HECW1: variants seen among roughly 807,000 people sequenced by gnomAD.
HECW1 encodes E3 ubiquitin-protein ligase HECW1.
In HECW1, 61 loss-of-function variants were observed where a neutral mutation model predicts 182.3. The ratio of observed to expected loss-of-function variants is 0.33; its 90% CI spans 0.27 to 0.41. The LOEUF is 0.41. Ranked by LOEUF, HECW1 falls within the 10% of genes least tolerant of loss-of-function variation. The probability of loss-of-function intolerance (pLI) is 1.00; values close to 1 mark genes in which losing one functional copy is unlikely to be tolerated. For missense variants in HECW1, 1,739 were observed against 2,108.9 expected (o/e 0.82, Z 3.44); for synonymous variants, 859 against 832.6 (o/e 1.03, Z -0.55).
chr7:43,175,373 T>A (rs1258790159), intron 2 of HECW1, among the ~76,000 whole-genome samples: 1 of 152,226 alleles, frequency 6.6e-6, no homozygotes, highest in African/African-American at 2.4e-5. Context: ...TCTTCTTAAG[T>A]GACATTTTGT....
At chr7:43,537,796 T>TA (rs11439004) in intron 24 of HECW1, among the ~76,000 whole-genome samples, 23,675 of 152,112 alleles carry the variant, frequency 0.16, 2,165 homozygotes, top group East Asian at 0.34. Context: ...TTATTTTTTT[T>TA]AAAAAAGCTA....
chr7:43,404,335 C>G (rs1256130414), intron 7 of HECW1, among the ~76,000 whole-genome samples: 1 of 152,116 alleles, frequency 6.6e-6, no homozygotes, highest in African/African-American at 2.4e-5. Flanking sequence ...TAGAAGTCTC[C>G]GTTTTCTAAA....
At chr7:43,477,040 A>T (rs2078242512) in intron 16 of HECW1, among the ~76,000 whole-genome samples, 1 of 152,178 alleles carries the variant, frequency 6.6e-6, no homozygotes, top group Non-Finnish European at 1.5e-5. Context: ...GGGAACAGAC[A>T]TCGCAGGCAA....
intron 2 of HECW1, among the ~76,000 whole-genome samples, chr7:43,140,297 G>A (rs2152631703): frequency 6.6e-6 from 1 of 152,270 alleles, no homozygotes; most frequent in East Asian, 1.9e-4. Context: ...GATTGCTGAA[G>A]TTAGTGGACT....
At chr7:43,470,979 A>G (rs1321404131) in intron 16 of HECW1, among the ~76,000 whole-genome samples, 2 of 152,234 alleles carry the variant, frequency 1.3e-5, no homozygotes, top group Non-Finnish European at 2.9e-5. Flanking sequence ...GACCCTGTGC[A>G]AGTCACTCCA....
chr7:43,401,087 C>T (rs2075389087), intron 7 of HECW1, among the ~76,000 whole-genome samples: 1 of 152,236 alleles, frequency 6.6e-6, no homozygotes, highest in Non-Finnish European at 1.5e-5. Flanking sequence ...CTTAATCACT[C>T]TGCAGAGTCC....
At chr7:43,233,339 C>T (rs1055147572) in intron 2 of HECW1, among the ~76,000 whole-genome samples, 1 of 152,318 alleles carries the variant, frequency 6.6e-6, no homozygotes, top group African/African-American at 2.4e-5. Context: ...GAGTTGACCA[C>T]AGACAGTCGC....
chr7:43,270,950 G>T (rs1802336245), intron 3 of HECW1, among the ~76,000 whole-genome samples: 1 of 151,996 alleles, frequency 6.6e-6, no homozygotes, highest in Non-Finnish European at 1.5e-5. Context: ...TTCACTAAAG[G>T]ACCTGAAAGA....
intron 2 of HECW1, among the ~76,000 whole-genome samples, chr7:43,225,019 CA>C (rs373280999): frequency 2.6e-5 from 4 of 152,074 alleles, no homozygotes; most frequent in African/African-American, 9.6e-5. Context: ...GTGTTTTGAG[CA>C]AAGAAATGAC....
At chr7:43,204,183 G>A (rs116018417) in intron 2 of HECW1, among the ~76,000 whole-genome samples, 1,627 of 152,270 alleles carry the variant, frequency 0.011, 30 homozygotes, top group African/African-American at 0.036. Context: ...AGCTAATTTT[G>A]TTGCTCCATC....
chr7:43,346,964 T>G (rs1219949559), intron 5 of HECW1, among the ~76,000 whole-genome samples: 3 of 152,236 alleles, frequency 2.0e-5, no homozygotes, highest in Non-Finnish European at 4.4e-5. Flanking sequence ...AATCTTGCAT[T>G]GGCTATGTGG....
chr7:43,295,458 A>G (rs1017257005), intron 3 of HECW1, among the ~76,000 whole-genome samples: 1 of 152,120 alleles, frequency 6.6e-6, no homozygotes, highest in African/African-American at 2.4e-5. Flanking sequence ...CCCAATCTTT[A>G]TGTTCAGGGA....
At chr7:43,361,518 A>G (rs904227805) in intron 6 of HECW1, among the ~76,000 whole-genome samples, 2 of 152,132 alleles carry the variant, frequency 1.3e-5, no homozygotes, top group African/African-American at 4.8e-5. Context: ...AGCCTAAATA[A>G]TCTATCTCAG....
intron 3 of HECW1, among the ~76,000 whole-genome samples, chr7:43,279,084 C>A (rs1463375503): frequency 1.3e-5 from 2 of 152,178 alleles, no homozygotes; most frequent in African/African-American, 4.8e-5. Context: ...TTTCTTTGAG[C>A]TGGGTTAGAT....
intron 5 of HECW1, among the ~76,000 whole-genome samples, chr7:43,336,250 C>A (rs371777129): frequency 6.7e-6 from 1 of 148,612 alleles, no homozygotes; most frequent in African/African-American, 2.5e-5. Flanking sequence ...TACCTCACTG[C>A]GGCCTCAAGG....
At chr7:43,545,905 C>G (rs2081540707) in intron 26 of HECW1, among the ~76,000 whole-genome samples, 1 of 151,982 alleles carries the variant, frequency 6.6e-6, no homozygotes, top group Non-Finnish European at 1.5e-5. Flanking sequence ...GTCGTTTTTG[C>G]TTTTTCCTTT....
chr7:43,161,917 G>A (rs1172644051), intron 2 of HECW1, among the ~76,000 whole-genome samples: 1 of 152,232 alleles, frequency 6.6e-6, no homozygotes, highest in Non-Finnish European at 1.5e-5. Flanking sequence ...GTCCTGGGGT[G>A]GTGCTTGAGC....
At chr7:43,511,145 G>A (rs138446419) in intron 24 of HECW1, 32 of 152,374 alleles carry the variant, frequency 2.1e-4, no homozygotes, top group African/African-American at 7.5e-4. Context: ...GGGCTTGACA[G>A]TGCCTGTCCT....
In HECW1 at chr7:43,444,109, T is replaced by C. The variant is rs1277734254; in HGVS notation, c.1046-109T>C. The C allele has an allele frequency of 9.0e-7, 1 of 1,105,570 alleles. No homozygotes were observed. The highest frequency in any genetic ancestry group is 1.3e-6 in the Non-Finnish European group (1 of 782,072). 68.5% of individuals were successfully genotyped at this position (1,105,570 alleles called of 1,614,324 possible). ...GAAACCCTCATCAACCTACATTCAA[T>C]ATCCTAATGTAGAAATCCCTTAGTG... On this transcript the variant is annotated intron_variant, in intron 10 of 29. Transcript: ENST00000395891. The surrounding 1 kb of genome is among the most constrained non-coding windows in gnomAD (Gnocchi z 4.3).
Sources: allele counts gnomAD v4.1 joint callset (sites outside exome capture counted in the v4.1 genomes callset), GRCh38; gene constraint gnomAD v4.1.1; non-coding constraint Gnocchi (gnomAD v3.1); transcripts MANE v1.5; gene names NCBI Gene and HGNC (gene_info 2026-07-23, HGNC 2026-07-21).